The following RAB31 variants were observed in gnomAD, a reference collection of about 807,000 sequenced individuals.
RAB31 encodes the protein RAB31, member RAS oncogene family.
Under a neutral mutation model 25.6 loss-of-function variants are expected in RAB31, and 21 were observed. The observed-to-expected ratio is 0.82, with a 90% CI of 0.58 to 1.18. The LOEUF is 1.18. Ranked by LOEUF, RAB31 falls within the 50% of genes most tolerant of loss-of-function variation. RAB31 has a pLI of 0.00. For synonymous variants in RAB31, 87 were observed against 84.0 expected (o/e 1.04, Z -0.20); for missense variants, 196 against 250.1 (o/e 0.78, Z 1.46).
chr18:9,805,510 G>A (rs1568183622), intron 3 of RAB31, among the ~76,000 whole-genome samples: 1 of 152,116 alleles, frequency 6.6e-6, no homozygotes, highest in Non-Finnish European at 1.5e-5. Context: ...GGAGCCTTGT[G>A]AGGACACTGG....
intron 1 of RAB31, among the ~76,000 whole-genome samples, chr18:9,759,984 G>A (rs2068279797): frequency 6.6e-6 from 1 of 152,108 alleles, no homozygotes; most frequent in South Asian, 2.1e-4. Flanking sequence ...AAGTGTGAGG[G>A]TGGGTAAATG....
intron 1 of RAB31, among the ~76,000 whole-genome samples, chr18:9,713,937 C>T (rs927021448): frequency 8.5e-5 from 13 of 152,328 alleles, no homozygotes; most frequent in South Asian, 4.2e-4. Flanking sequence ...GCTCTACCCT[C>T]ACAACCTAAG....
intron 5 of RAB31, among the ~76,000 whole-genome samples, chr18:9,832,256 T>C (rs1311794172): frequency 6.6e-6 from 1 of 151,996 alleles, no homozygotes; most frequent in African/African-American, 2.4e-5. Flanking sequence ...ATGCCAGAGG[T>C]CAGTCCTCGA....
intron 6 of RAB31, 53 bp from the exon 7 acceptor site, chr18:9,859,175 G>A: frequency 1.4e-6 from 2 of 1,428,158 alleles, no homozygotes; most frequent in Non-Finnish European, 2.0e-6. Flanking sequence ...ATCTGTGTGT[G>A]CAGTGTTGGC....
At chr18:9,753,619 C>A (rs2068246173) in intron 1 of RAB31, among the ~76,000 whole-genome samples, 1 of 152,170 alleles carries the variant, frequency 6.6e-6, no homozygotes, top group Non-Finnish European at 1.5e-5. Context: ...TCTTCCTTGG[C>A]TTTTGAAGGC....
chr18:9,818,451 A>C (rs554300704), intron 5 of RAB31, among the ~76,000 whole-genome samples: 1 of 152,124 alleles, frequency 6.6e-6, no homozygotes, highest in Non-Finnish European at 1.5e-5. Flanking sequence ...GACGTTTTGC[A>C]TACATGGAAT....
intron 3 of RAB31, among the ~76,000 whole-genome samples, chr18:9,805,945 C>T (rs1006118266): frequency 7.2e-5 from 11 of 152,012 alleles, no homozygotes; most frequent in South Asian, 2.1e-4. Flanking sequence ...GAGGCCGAGG[C>T]GGGCGGATCA....
intron 5 of RAB31, among the ~76,000 whole-genome samples, chr18:9,834,403 A>T (rs1250798971): frequency 6.6e-6 from 1 of 152,182 alleles, no homozygotes; most frequent in South Asian, 2.1e-4. Flanking sequence ...GGCTTGAGCC[A>T]CTGTGCCCAG....
Position 9,775,330 on chromosome 18 carries a change from T to A in RAB31, c.92T>A (p.Phe31Tyr). 1 of 1,613,930 alleles carries A rather than the reference T, an allele frequency of 6.2e-7. No individual in the cohort carries two copies. The highest frequency in any genetic ancestry group is 8.5e-7 in the Non-Finnish European group (1 of 1,179,824). Residue 31 changes from phenylalanine (F) to tyrosine (Y), a missense_variant, in exon 2 of 7, where the codon TTT becomes TAT. Coordinates refer to ENST00000578921, the MANE Select transcript of RAB31 (RefSeq NM_006868.4). ...GTGTGTCGATTTGTCCAGGATCACTTTGACCACAACATCAGCCCTACTATT... is the reference window on the plus strand; with the variant it reads ...GTGTGTCGATTTGTCCAGGATCACTATGACCACAACATCAGCCCTACTATT... ...SIVCRFVQDH[F>Y]DHNISPTIGA...
intron 5 of RAB31, among the ~76,000 whole-genome samples, chr18:9,835,306 C>T (rs1295531936): frequency 1.3e-5 from 2 of 152,106 alleles, no homozygotes; most frequent in Admixed American, 6.6e-5. Context: ...TGGTATGATC[C>T]GCTCAGAGGA....
At chr18:9,835,658 A>G (rs1204391728) in intron 5 of RAB31, among the ~76,000 whole-genome samples, 1 of 152,176 alleles carries the variant, frequency 6.6e-6, no homozygotes, top group Non-Finnish European at 1.5e-5. Context: ...CTTTAGCTGT[A>G]AGTGCTTAGA....
intron 3 of RAB31, among the ~76,000 whole-genome samples, chr18:9,805,976 C>T (rs971908241): frequency 1.3e-4 from 20 of 152,046 alleles, no homozygotes; most frequent in Non-Finnish European, 5.9e-5. Context: ...AGATCGGGAC[C>T]ATCCTGGCTA....
chr18:9,715,885 T>C (rs1461318303), intron 1 of RAB31, among the ~76,000 whole-genome samples: 1 of 152,162 alleles, frequency 6.6e-6, no homozygotes, highest in Non-Finnish European at 1.5e-5. Context: ...CATTTAAAAG[T>C]AAGTTGCAGA....
At chr18:9,718,469 G>T (rs552467453) in intron 1 of RAB31, among the ~76,000 whole-genome samples, 1 of 152,066 alleles carries the variant, frequency 6.6e-6, no homozygotes, top group African/African-American at 2.4e-5. Flanking sequence ...ATGTTGGTCA[G>T]GCTGGTCTTG....
At chr18:9,741,221 C>T (rs1309855650) in intron 1 of RAB31, among the ~76,000 whole-genome samples, 2 of 151,696 alleles carry the variant, frequency 1.3e-5, no homozygotes, top group Non-Finnish European at 2.9e-5. Flanking sequence ...ACTAAAAGCA[C>T]AAAAATTAGC....
intron 1 of RAB31, among the ~76,000 whole-genome samples, chr18:9,761,635 C>G (rs2068289318): frequency 2.0e-5 from 3 of 152,094 alleles, no homozygotes; most frequent in Non-Finnish European, 4.4e-5. Context: ...TTCAGGCTCC[C>G]TTGGTGGTTG....
At chr18:9,841,170 G>A (rs1018817031) in intron 5 of RAB31, among the ~76,000 whole-genome samples, 5 of 152,068 alleles carry the variant, frequency 3.3e-5, no homozygotes, top group East Asian at 2.0e-4. Flanking sequence ...GATCTGGAGC[G>A]ATGCTCCTGC....
In RAB31 at chr18:9,848,279, T is replaced by G. The variant is rs565762880; in HGVS notation, c.490+2588T>G. ...CTATCTGTCCATCTGCCTGTCTGTC[T>G]CTGTCTGTCCTTCTGTCCATCTGTG... On this transcript the variant is annotated intron_variant, in intron 6 of 6. Coordinates refer to ENST00000578921, the MANE Select transcript of RAB31 (RefSeq NM_006868.4). Among the ~76,000 whole-genome samples the G allele has an allele frequency of 3.3e-5, 5 of 152,278 alleles. No individual in the cohort carries two copies. The South Asian group carries it at 1.0e-3, about 32-fold the overall frequency.
At chr18:9,832,392 A>G (rs546753222) in intron 5 of RAB31, among the ~76,000 whole-genome samples, 1 of 152,366 alleles carries the variant, frequency 6.6e-6, no homozygotes, top group Admixed American at 6.5e-5. Flanking sequence ...TGACCGATGC[A>G]AAGTACACCC....
Sources: gnomAD v4.1 joint callset for allele counts (sites outside exome capture counted in the v4.1 genomes callset) on GRCh38, gnomAD v4.1.1 for gene constraint, MANE v1.5 for transcripts, NCBI Gene and HGNC (gene_info 2026-07-23, HGNC 2026-07-21) for gene names.